SARM1: variants seen among roughly 807,000 people sequenced by gnomAD.
The protein encoded by SARM1 is sterile alpha and TIR motif containing 1.
In SARM1, 60 loss-of-function variants were observed where a neutral mutation model predicts 65.1. That is an observed-to-expected ratio of 0.92 (90% CI 0.75 to 1.14). SARM1 has a LOEUF of 1.14. Ranked by LOEUF, SARM1 falls within the 50% of genes most tolerant of loss-of-function variation. The pLI is 0.00. For missense variants in SARM1, 913 were observed against 1,015.7 expected, an observed-to-expected ratio of 0.90 and a Z score of 1.37; for synonymous variants, 417 against 465.4, an observed-to-expected ratio of 0.90 and a Z score of 1.34.
In SARM1 at chr17:28,402,220, G is replaced by T. The variant is rs1555589761; in HGVS notation, c.*5934G>T. 6 of 1,607,118 alleles carry T rather than the reference G, an allele frequency of 3.7e-6. No individual in the cohort carries two copies. The African/African-American group carries it at 5.3e-5, about 14-fold the overall frequency. On this transcript the variant is annotated 3_prime_UTR_variant, in exon 9 of 9. Coordinates refer to ENST00000585482, the MANE Select transcript of SARM1 (RefSeq NM_015077.4). ...ACTGGACATGAGGAACCAGACACAG[G>T]TGGGTTCTGACACTCACCCTGCTCT...
rs1555585237 is a variant in SARM1 at position 28,381,449 on chromosome 17, G to A, written c.717G>A (p.Gln239=). Residue 239 remains glutamine (Q), a synonymous_variant, in exon 2 of 9, where the codon CAG becomes CAA. Coordinates refer to ENST00000585482, the MANE Select transcript of SARM1 (RefSeq NM_015077.4). The part of the protein sequence containing the change: ...ALGNCALHGG[Q]AVQRRMVEKR... ...GCAACTGCGCGCTGCACGGGGGCCA[G>A]GCGGTGCAGCGACGCATGGTAGAGA... is the stretch of plus-strand genomic sequence containing the variant. The A allele has an allele frequency of 1.9e-6, 3 of 1,548,418 alleles. No homozygotes were observed. The highest frequency in any genetic ancestry group is 2.6e-6 in the Non-Finnish European group (3 of 1,146,262).
At chr17:28,389,126 G>A (rs1313638564) in intron 7 of SARM1, among the ~76,000 whole-genome samples, 4 of 152,148 alleles carry the variant, frequency 2.6e-5, no homozygotes, top group Admixed American at 1.3e-4. Flanking sequence ...ATAGCGACAG[G>A]CAGAATGGAA....
chr17:28,384,577 C>A lies in SARM1; in HGVS notation c.1302+8C>A, dbSNP rs2068040293. ...TACTGCGAGAGCTTCCGGGTAGAGT[C>A]GCGTGGGATACGCCTCCCCCGAGTC... On this transcript the variant is annotated splice_region_variant and intron_variant, in intron 3 of 8. Transcript: ENST00000585482. This position sits in a 1 kb window ranked among gnomAD's most constrained non-coding sequence, Gnocchi z 4.4. 2 of 1,589,330 alleles carry A rather than the reference C, an allele frequency of 1.3e-6. No homozygotes were observed. Among genetic ancestry groups the A allele is most frequent in the Non-Finnish European group, 8.6e-7 (1 of 1,168,172 alleles).
Position 28,372,386 on chromosome 17 carries a change from C to T in SARM1, c.354C>T (p.Asp118=). 1 of 1,528,124 alleles carries T rather than the reference C, an allele frequency of 6.5e-7. No homozygotes were observed. Among genetic ancestry groups the T allele is most frequent in the Non-Finnish European group, 8.7e-7 (1 of 1,143,960 alleles). 94.7% of individuals were successfully genotyped at this position (1,528,124 alleles called of 1,614,324 possible). A position where few individuals can be genotyped will look rare whatever the true frequency, so the allele number is the denominator to read the frequency against. The part of the protein sequence containing the change: ...VGREVAQGLC[D]AIRLDGGLDL... ...GCGAGGTAGCCCAGGGTCTGTGCGA[C>T]GCCATCCGCCTCGATGGCGGCCTCG... The change falls in exon 1 of 9, where the codon GAC becomes GAT. Residue 118 remains aspartate (D), a synonymous_variant. Coordinates refer to ENST00000585482, the MANE Select transcript of SARM1 (RefSeq NM_015077.4). This position sits in a 1 kb window ranked among gnomAD's most constrained non-coding sequence, Gnocchi z 5.2.
rs1555585157 is a variant in SARM1, at chr17:28,381,220, T to C, written c.488T>C (p.Ile163Thr). ...CTGGGCAGAGACCGCGTGGCGCGCA[T>C]TGGGCTGGGCGTGATCCTGAACCTG... ...VAENRDRVAR[I>T]GLGVILNLAK... Residue 163 changes from isoleucine (I) to threonine (T), a missense_variant, in exon 2 of 9, where the codon ATT (isoleucine) becomes ACT (threonine). By Grantham distance (89) the Ile-to-Thr change is moderately conservative. This residue lies in a region of SARM1 where 862 missense variants were observed against 952.1 expected (regional missense o/e 0.91). Coordinates refer to ENST00000585482, the MANE Select transcript of SARM1 (RefSeq NM_015077.4). 4 of 1,605,924 alleles carry C rather than the reference T, an allele frequency of 2.5e-6. No homozygotes were observed. In the South Asian group the frequency reaches 3.3e-5, roughly 13 times the overall value.
At chr17:28,375,618 C>G (rs924356924) in intron 1 of SARM1, among the ~76,000 whole-genome samples, 2 of 148,260 alleles carry the variant, frequency 1.3e-5, no homozygotes, top group Non-Finnish European at 3.0e-5. Flanking sequence ...AAAAAAATCA[C>G]GAAAGCCATT....
In SARM1 at chr17:28,402,289, T is replaced by C; in HGVS notation, c.*6003T>C. The C allele has an allele frequency of 6.2e-7, 1 of 1,613,608 alleles. No homozygotes were observed. The highest frequency in any genetic ancestry group is 8.5e-7 in the Non-Finnish European group (1 of 1,179,762). On this transcript the variant is annotated 3_prime_UTR_variant, in exon 9 of 9. Coordinates refer to ENST00000585482, the MANE Select transcript of SARM1 (RefSeq NM_015077.4). ...GAGAGTTTAGCCCGGATGACAGGTG[T>C]GATGACTAATGACAGGAAAAGCAAC...
intron 1 of SARM1, among the ~76,000 whole-genome samples, chr17:28,377,736 C>T (rs531691776): frequency 6.8e-4 from 103 of 152,212 alleles, no homozygotes; most frequent in African/African-American, 2.4e-3. Context: ...CTCACTGTGT[C>T]ACCCAGGCTG....
chr17:28,401,006 A>C lies in SARM1; in HGVS notation c.*4720A>C. On this transcript the variant is annotated 3_prime_UTR_variant, in exon 9 of 9. Coordinates refer to ENST00000585482, the MANE Select transcript of SARM1 (RefSeq NM_015077.4). ...GCTATTAAATCCACATTAAAAGTAC[A>C]TGTGATCTGACAGAACCCAGCACAT... 1 of 526,626 alleles carries C rather than the reference A, an allele frequency of 1.9e-6. No homozygotes were observed. The highest frequency in any genetic ancestry group is 3.4e-6 in the Non-Finnish European group (1 of 292,468). The allele number at this position is 526,626 out of a possible 1,614,324, so 32.6% of individuals were successfully genotyped here. A position where few individuals can be genotyped will look rare whatever the true frequency, so the allele number is the denominator to read the frequency against.
Position 28,385,357 on chromosome 17 carries a change from G to A in SARM1, c.1630+82G>A, listed in dbSNP as rs782781184. 77 of 1,059,734 alleles carry A rather than the reference G, an allele frequency of 7.3e-5. No homozygotes were observed. Among genetic ancestry groups the A allele is most frequent in the Non-Finnish European group, 9.8e-5 (74 of 753,018 alleles). The allele number at this position is 1,059,734 out of a possible 1,614,324, so 65.6% of individuals were successfully genotyped here. A position where few individuals can be genotyped will look rare whatever the true frequency, so the allele number is the denominator to read the frequency against. ...ATGGTGAGGGGAGACACGGGGTGGA[G>A]CCTTCCAGCCTCGCCGTGGATTGAT... On this transcript the variant is annotated intron_variant, in intron 5 of 8. Coordinates refer to ENST00000585482, the MANE Select transcript of SARM1 (RefSeq NM_015077.4). The surrounding 1 kb of genome is among the most constrained non-coding windows in gnomAD (Gnocchi z 4.5).
At position 28,399,792 on chromosome 17, in the gene SARM1, A is replaced by T; in HGVS notation, c.*3506A>T. The T allele has an allele frequency of 2.0e-6, 3 of 1,498,304 alleles. No homozygotes were observed. In the East Asian group the frequency reaches 6.8e-5, roughly 34 times the overall value. 92.8% of individuals were successfully genotyped at this position (1,498,304 alleles called of 1,614,324 possible). ...TGTCTGGAGAAGTGACACAGGATTT[A>T]CTGGGGTGGGCTGGTCCAGGTAGCT... On this transcript the variant is annotated 3_prime_UTR_variant, in exon 9 of 9. Transcript: ENST00000585482.
Position 28,396,444 on chromosome 17 carries a change from C to T in SARM1, c.*158C>T, listed in dbSNP as rs2068125166. 1 of 816,104 alleles carries T rather than the reference C, an allele frequency of 1.2e-6. No homozygotes were observed. The highest frequency in any genetic ancestry group is 1.8e-5 in the South Asian group (1 of 56,748). The allele number at this position is 816,104 out of a possible 1,614,324, so 50.6% of individuals were successfully genotyped here. On this transcript the variant is annotated 3_prime_UTR_variant, in exon 9 of 9. Coordinates refer to ENST00000585482, the MANE Select transcript of SARM1 (RefSeq NM_015077.4). ...GTCCCCCACCCTCATGGCCCACCTC[C>T]AACCCACTTTCCTCAGTATCTGGAG...
intron 1 of SARM1, chr17:28,374,104 TAAAAAAA>T (rs11444944): frequency 1.4e-5 from 2 of 139,954 alleles, no homozygotes; most frequent in African/African-American, 5.3e-5. Flanking sequence ...CTGTCTCTAC[TAAAAAAA>T]AAAAAAAATA....
rs2068182683 is a variant in SARM1 at position 28,400,522 on chromosome 17, G to T, written c.*4236G>T. 6.5e-7 allele frequency: 1 copy of T among 1,537,372 alleles called. No individual in the cohort carries two copies. Among genetic ancestry groups the T allele is most frequent in the African/African-American group, 1.4e-5 (1 of 73,176 alleles). The stretch of plus-strand genomic sequence containing the variant: ...CCCAGAGGGTAAGGATTCCAGGAAT[G>T]AAGCTGCCATTTCTGGTTGGGAGGA... On this transcript the variant is annotated 3_prime_UTR_variant, in exon 9 of 9. Coordinates refer to ENST00000585482, the MANE Select transcript of SARM1 (RefSeq NM_015077.4).
intron 1 of SARM1, among the ~76,000 whole-genome samples, chr17:28,378,342 C>T (rs563570559): frequency 1.7e-3 from 263 of 152,362 alleles, no homozygotes; most frequent in Non-Finnish European, 2.7e-3. Context: ...CTCTCCAACA[C>T]CTCCAACTCT....
chr17:28,379,579 G>A (rs922796645), intron 1 of SARM1, among the ~76,000 whole-genome samples: 8 of 152,016 alleles, frequency 5.3e-5, no homozygotes, highest in African/African-American at 1.9e-4. Context: ...CAAAGTGCTG[G>A]GATTACAGGC....
intron 7 of SARM1, among the ~76,000 whole-genome samples, chr17:28,392,957 A>G (rs370216263): frequency 6.6e-6 from 1 of 152,202 alleles, no homozygotes; most frequent in East Asian, 1.9e-4. Context: ...CAATAGGGAA[A>G]AACCACAAGT....
At chr17:28,391,527 G>A (rs2068079477) in intron 7 of SARM1, among the ~76,000 whole-genome samples, 1 of 152,032 alleles carries the variant, frequency 6.6e-6, no homozygotes, top group African/African-American at 2.4e-5. Context: ...GAGGGGCACT[G>A]GGGCAGTTGA....
At chr17:28,382,845 C>G (rs55946155) in intron 2 of SARM1, among the ~76,000 whole-genome samples, 152,297 of 152,330 alleles carry the variant, frequency 1, 76,132 homozygotes, top group East Asian at 1. Flanking sequence ...CACCACAATC[C>G]CCCAGCTGGG....
Sources: allele counts gnomAD v4.1 joint callset (sites outside exome capture counted in the v4.1 genomes callset), GRCh38; gene constraint gnomAD v4.1.1; regional missense constraint gnomAD v4.1.1; non-coding constraint Gnocchi (gnomAD v3.1); transcripts MANE v1.5; gene names NCBI Gene and HGNC (gene_info 2026-07-23, HGNC 2026-07-21).